SUCLG2: variants seen among roughly 807,000 people sequenced by gnomAD.
The protein encoded by SUCLG2 is succinate-CoA ligase GDP-forming subunit beta.
Under a neutral mutation model 47.9 loss-of-function variants are expected in SUCLG2, and 42 were observed. The observed-to-expected ratio is 0.88, with a 90% CI of 0.69 to 1.14. The LOEUF is 1.14. Among genes scored for constraint, SUCLG2 ranks in the 50% most tolerant of loss-of-function variants. The probability of loss-of-function intolerance (pLI) is 0.00; values close to 1 mark genes in which losing one functional copy is unlikely to be tolerated. For synonymous variants in SUCLG2, 195 were observed against 197.3 expected (o/e 0.99, Z 0.10); for missense variants, 571 against 525.9 (o/e 1.09, Z -0.84).
downstream of SUCLG2, among the ~76,000 whole-genome samples, chr3:67,370,015 A>G (rs1017237854): frequency 6.6e-6 from 1 of 152,168 alleles, no homozygotes; most frequent in African/African-American, 2.4e-5. Flanking sequence ...TTAATACTAG[A>G]TTTTTATAAA....
chr3:67,380,180 T>C (rs1702124194), intron 10 of SUCLG2, among the ~76,000 whole-genome samples: 1 of 151,974 alleles, frequency 6.6e-6, no homozygotes, highest in East Asian at 1.9e-4. Flanking sequence ...TTTTTTTTTT[T>C]TGGAGTCCTC....
At chr3:67,430,543 T>C (rs1046985508) in intron 9 of SUCLG2, among the ~76,000 whole-genome samples, 1 of 151,938 alleles carries the variant, frequency 6.6e-6, no homozygotes, top group African/African-American at 2.4e-5. Flanking sequence ...TAAAAAGAAC[T>C]AGAGAAGCAA....
At chr3:67,441,433 T>C (rs1452983603) in intron 9 of SUCLG2, among the ~76,000 whole-genome samples, 3 of 151,980 alleles carry the variant, frequency 2.0e-5, no homozygotes, top group African/African-American at 7.3e-5. Flanking sequence ...TGTAGCCCTA[T>C]GGAGACTCAT....
intron 1 of SUCLG2, 63 bp downstream of exon 1, chr3:67,654,440 C>T (rs766542493): frequency 8.4e-7 from 1 of 1,187,334 alleles, no homozygotes; most frequent in Non-Finnish European, 1.1e-6. Context: ...TAGCAGGGGG[C>T]GAGGGAAGCC....
At chr3:67,441,337 G>A (rs987091290) in intron 9 of SUCLG2, among the ~76,000 whole-genome samples, 2 of 151,216 alleles carry the variant, frequency 1.3e-5, no homozygotes, top group African/African-American at 4.9e-5. Context: ...TAACAAACGT[G>A]CACATTCTGC....
Position 67,562,557 on chromosome 3 carries a change from C to T in SUCLG2, c.227-33371G>A, listed in dbSNP as rs143975564. Reference sequence around the variant, plus strand: ...CCTCCCAAAGTGCTGGGATCACAGGCGTGAGCCACTGCGCCCGGCCTCCAA... The same window carrying T: ...CCTCCCAAAGTGCTGGGATCACAGGTGTGAGCCACTGCGCCCGGCCTCCAA... On this transcript the variant is annotated intron_variant, in intron 2 of 10. Transcript: ENST00000307227. 8.6e-3 allele frequency among the ~76,000 whole-genome samples: 1,310 copies of T among 152,314 alleles called. 12 individuals are homozygous for T. Among genetic ancestry groups the T allele is most frequent in the Middle Eastern group, 0.024 (7 of 294 alleles).
intron 9 of SUCLG2, among the ~76,000 whole-genome samples, chr3:67,462,740 A>G (rs1575712497): frequency 6.6e-6 from 1 of 152,210 alleles, no homozygotes; most frequent in Non-Finnish European, 1.5e-5. Context: ...AACCCAATTT[A>G]TAGCCGGTTG....
chr3:67,426,603 C>T (rs1703306523), intron 9 of SUCLG2, among the ~76,000 whole-genome samples: 4 of 152,030 alleles, frequency 2.6e-5, no homozygotes, highest in African/African-American at 7.2e-5. Flanking sequence ...ATACTTGATT[C>T]CTTAATAGCA....
chr3:67,385,113 T>C lies in SUCLG2; in HGVS notation c.1184-9254A>G, dbSNP rs115205957. 6.4e-3 allele frequency among the ~76,000 whole-genome samples: 973 copies of C among 152,244 alleles called. 6 individuals are homozygous for C. Among genetic ancestry groups the C allele is most frequent in the African/African-American group, 0.022 (921 of 41,538 alleles). On this transcript the variant is annotated intron_variant, in intron 10 of 10. Transcript: ENST00000307227. ...ATCAAATATGACTTTCAAGTGGAAA[T>C]TGAGTCAGGAAGAAATGAACTGACT... is the stretch of plus-strand genomic sequence containing the variant.
chr3:67,609,630 C>A, intron 1 of SUCLG2, 34 bp from the exon 2 acceptor site: 2 of 1,594,010 alleles, frequency 1.3e-6, no homozygotes, highest in South Asian at 1.1e-5. Flanking sequence ...TAAGAACATT[C>A]ATTAATAGCA....
intron 9 of SUCLG2, among the ~76,000 whole-genome samples, chr3:67,484,921 A>T (rs1252227911): frequency 6.6e-6 from 1 of 152,186 alleles, no homozygotes; most frequent in African/African-American, 2.4e-5. Context: ...TTTTTGGTAA[A>T]ATAAATCATT....
intron 10 of SUCLG2, among the ~76,000 whole-genome samples, chr3:67,388,261 TTA>T (rs367995830): frequency 3.4e-4 from 52 of 152,314 alleles, no homozygotes; most frequent in African/African-American, 1.2e-3. Flanking sequence ...CTTTCCACTA[TTA>T]TAGCTCCTCT....
chr3:67,384,326 C>A (rs1702216508), intron 10 of SUCLG2, among the ~76,000 whole-genome samples: 1 of 152,156 alleles, frequency 6.6e-6, no homozygotes, highest in African/African-American at 2.4e-5. Context: ...TGCTGCTGGC[C>A]TCTTTTCTAC....
intron 9 of SUCLG2, among the ~76,000 whole-genome samples, chr3:67,444,008 G>C (rs1469137116): frequency 8.0e-6 from 1 of 124,706 alleles, no homozygotes; most frequent in Non-Finnish European, 1.8e-5. Context: ...CCGGGAGGGA[G>C]GTGGGGGGGT....
chr3:67,608,871 TC>T lies in SUCLG2; in HGVS notation c.226+583del, dbSNP rs537330391. On this transcript the variant is annotated intron_variant, in intron 2 of 10. Coordinates refer to ENST00000307227, the MANE Select transcript of SUCLG2 (RefSeq NM_003848.4). Reference sequence around the variant, plus strand: ...TTTTTTAGTTTTTGTAGAAACGGGTTCTGCTATGTTGCCCAGGCTGGTCTCA... The same window carrying T: ...TTTTTTAGTTTTTGTAGAAACGGGTTTGCTATGTTGCCCAGGCTGGTCTCA... Among the ~76,000 whole-genome samples, 12 of 152,098 alleles carry T rather than the reference TC, an allele frequency of 7.9e-5. No homozygotes were observed. The South Asian group carries it at 2.5e-3, about 32-fold the overall frequency.
intron 9 of SUCLG2, among the ~76,000 whole-genome samples, chr3:67,491,361 CTTTTTTTT>C (rs549763218): frequency 7.9e-6 from 1 of 125,818 alleles, no homozygotes; most frequent in South Asian, 2.5e-4. Flanking sequence ...TTTTCTTTTA[CTTTTTTTT>C]TTTTTTTTTT....
In SUCLG2 at chr3:67,536,917, A is replaced by G. The variant is rs534400545; in HGVS notation, c.227-7731T>C. On this transcript the variant is annotated intron_variant, in intron 2 of 10. Coordinates refer to ENST00000307227, the MANE Select transcript of SUCLG2 (RefSeq NM_003848.4). ...AGATTTTCATTGCAATGTAGTTATA[A>G]TAGTGAAAAAACTAGAAATAATCCA... Among the ~76,000 whole-genome samples the G allele has an allele frequency of 1.6e-3, 246 of 152,308 alleles. 4 individuals are homozygous for G. The highest frequency in any genetic ancestry group is 1.9e-4 in the Non-Finnish European group (13 of 68,032).
intron 2 of SUCLG2, 35 bp downstream of exon 2, chr3:67,609,420 G>A (rs1256640769): frequency 1.3e-6 from 2 of 1,593,692 alleles, no homozygotes; most frequent in Admixed American, 1.7e-5. Context: ...CACTGATTTG[G>A]GCAAGTGTAT....
chr3:67,369,754 A>G (rs1701927256), downstream of SUCLG2, among the ~76,000 whole-genome samples: 1 of 152,218 alleles, frequency 6.6e-6, no homozygotes. Context: ...CTTTCAGCAC[A>G]GAGATTTCAA....
Sources: allele counts gnomAD v4.1 joint callset (sites outside exome capture counted in the v4.1 genomes callset), GRCh38; gene constraint gnomAD v4.1.1; transcripts MANE v1.5; gene names NCBI Gene and HGNC (gene_info 2026-07-23, HGNC 2026-07-21).